RGS6: variants seen among roughly 807,000 people sequenced by gnomAD.
RGS6 encodes the protein regulator of G protein signaling 6.
A neutral mutation model predicts 78.5 loss-of-function variants in RGS6; 30 were observed. That is an observed-to-expected ratio of 0.38 (90% confidence interval 0.29 to 0.52). The LOEUF is 0.52. Among genes scored for constraint, RGS6 ranks in the 20% least tolerant of loss-of-function variants. The pLI, the probability that RGS6 is intolerant of heterozygous loss-of-function variation, is 0.85. For missense variants in RGS6, 495 were observed against 609.7 expected, an observed-to-expected ratio of 0.81 and a Z score of 1.98; for synonymous variants, 206 against 206.0, an observed-to-expected ratio of 1.00 and a Z score of 0.00.
intron 3 of RGS6, among the ~76,000 whole-genome samples, chr14:72,422,107 C>T (rs115606448): frequency 0.023 from 3,548 of 152,272 alleles, 138 homozygotes; most frequent in African/African-American, 0.081. Context: ...ACAAGCTCTC[C>T]CTTTGCCTGC....
At chr14:72,625,678 A>G in the RGS6 span, among the ~76,000 whole-genome samples, 4 of 152,216 alleles carry the variant, frequency 2.6e-5, no homozygotes, top group Non-Finnish European at 4.4e-5. Context: ...ACATGCATAC[A>G]TCTCTACTTA....
chr14:72,070,003 A>G (rs1351672506), intron 2 of RGS6, among the ~76,000 whole-genome samples: 2 of 152,140 alleles, frequency 1.3e-5, no homozygotes, highest in Admixed American at 1.3e-4. Context: ...GAGTCTCTTC[A>G]TGGCAAACTG....
At chr14:72,146,701 A>T (rs1011351040) in intron 2 of RGS6, among the ~76,000 whole-genome samples, 4 of 152,232 alleles carry the variant, frequency 2.6e-5, no homozygotes, top group African/African-American at 9.6e-5. Context: ...AATAATCTCC[A>T]CACCCTTAAT....
chr14:72,299,074 A>G (rs965582398), intron 2 of RGS6, among the ~76,000 whole-genome samples: 2 of 152,160 alleles, frequency 1.3e-5, no homozygotes, highest in African/African-American at 4.8e-5. Context: ...AAATTTGTTC[A>G]TACAATTTCC....
intron 2 of RGS6, among the ~76,000 whole-genome samples, chr14:72,326,835 G>C (rs1017717731): frequency 6.6e-6 from 1 of 152,176 alleles, no homozygotes; most frequent in African/African-American, 2.4e-5. Flanking sequence ...AGCCTGCCGA[G>C]TCGCTGGGAC....
intron 3 of RGS6, among the ~76,000 whole-genome samples, chr14:72,436,201 T>C (rs752387545): frequency 7.1e-4 from 108 of 151,974 alleles, no homozygotes; most frequent in Non-Finnish European, 1.6e-4. Context: ...TTCCTGATGA[T>C]GCCATGGAGC....
intron 6 of RGS6, among the ~76,000 whole-genome samples, chr14:72,461,087 A>G (rs1597842773): frequency 6.6e-6 from 1 of 152,268 alleles, no homozygotes; most frequent in East Asian, 1.9e-4. Context: ...GGATCCAGGA[A>G]GACTTCCGAC....
chr14:72,032,159 G>T (rs2153344603), intron 2 of RGS6, among the ~76,000 whole-genome samples: 1 of 152,144 alleles, frequency 6.6e-6, no homozygotes, highest in South Asian at 2.1e-4. Flanking sequence ...TTACATAATA[G>T]ATATTAAATA....
chr14:72,297,211 C>A (rs1050937710), intron 2 of RGS6, among the ~76,000 whole-genome samples: 1 of 151,978 alleles, frequency 6.6e-6, no homozygotes, highest in African/African-American at 2.4e-5. Context: ...TAGAGTAAGT[C>A]CTTCAACTTT....
At chr14:71,873,052 T>C in the RGS6 span, among the ~76,000 whole-genome samples, 1 of 152,204 alleles carries the variant, frequency 6.6e-6, no homozygotes, top group Non-Finnish European at 1.5e-5. Context: ...TGATGGACAT[T>C]TGGGTTGGTT....
intron 2 of RGS6, among the ~76,000 whole-genome samples, chr14:72,088,140 C>G (rs561322156): frequency 3.9e-5 from 6 of 152,172 alleles, no homozygotes; most frequent in Non-Finnish European, 7.3e-5. Flanking sequence ...TACATGCAGC[C>G]CCAGTCCTCT....
intron 13 of RGS6, among the ~76,000 whole-genome samples, chr14:72,498,898 T>C (rs1243946615): frequency 1.3e-5 from 2 of 152,278 alleles, no homozygotes; most frequent in Non-Finnish European, 2.9e-5. Flanking sequence ...TATGAATGGA[T>C]GGGCATAGAT....
intron 2 of RGS6, among the ~76,000 whole-genome samples, chr14:72,316,325 T>G (rs1012577350): frequency 1.3e-5 from 2 of 152,178 alleles, no homozygotes; most frequent in African/African-American, 4.8e-5. Flanking sequence ...CCATGTTGGT[T>G]TGCTGCACCC....
At chr14:72,114,577 A>G (rs1398389771) in intron 2 of RGS6, among the ~76,000 whole-genome samples, 1 of 152,256 alleles carries the variant, frequency 6.6e-6, no homozygotes, top group Non-Finnish European at 1.5e-5. Context: ...ACAGTATGCC[A>G]GCATTGCTGT....
intron 3 of RGS6, among the ~76,000 whole-genome samples, chr14:72,432,204 C>T (rs985951385): frequency 3.9e-5 from 6 of 152,150 alleles, no homozygotes; most frequent in Non-Finnish European, 7.4e-5. Context: ...GGACAGGAGT[C>T]CTTTGTCCTC....
intron 15 of RGS6, among the ~76,000 whole-genome samples, chr14:72,522,576 G>A (rs1009287818): frequency 6.6e-6 from 1 of 152,174 alleles, no homozygotes; most frequent in Non-Finnish European, 1.5e-5. Flanking sequence ...CAGCTACAAT[G>A]CAACAACATA....
At chr14:72,247,947 A>C (rs931643929) in intron 2 of RGS6, among the ~76,000 whole-genome samples, 1 of 152,208 alleles carries the variant, frequency 6.6e-6, no homozygotes, top group African/African-American at 2.4e-5. Flanking sequence ...AGTCTGTGTT[A>C]TTCTGTTATA....
intron 1 of RGS6, among the ~76,000 whole-genome samples, chr14:71,944,510 T>C (rs1176997940): frequency 6.6e-6 from 1 of 152,104 alleles, no homozygotes; most frequent in Non-Finnish European, 1.5e-5. Context: ...TAGGAATAAA[T>C]AGAAAATTAG....
intron 3 of RGS6, among the ~76,000 whole-genome samples, chr14:72,424,742 G>A (rs1466102424): frequency 6.6e-6 from 1 of 152,132 alleles, no homozygotes; most frequent in African/African-American, 2.4e-5. Context: ...ACATCATCTT[G>A]TTTATATGGA....
Sources: gnomAD v4.1 joint callset for allele counts (sites outside exome capture counted in the v4.1 genomes callset) on GRCh38, gnomAD v4.1.1 for gene constraint, MANE v1.5 for transcripts, NCBI Gene and HGNC (gene_info 2026-07-23, HGNC 2026-07-21) for gene names.